The following HTT variants were observed in gnomAD, a reference collection of about 807,000 sequenced individuals.
HTT encodes huntington disease protein.
HTT carries 104 observed loss-of-function variants against 362.3 expected under a neutral mutation model. The observed-to-expected ratio is 0.29, with a 90% CI of 0.24 to 0.34. The LOEUF (loss-of-function observed/expected upper bound fraction) is 0.34, where lower values mean the gene tolerates loss of function less well. Ranked by LOEUF, HTT falls within the 10% of genes least tolerant of loss-of-function variation. HTT has a pLI of 1.00. For missense variants in HTT, 3,301 were observed against 3,928.6 expected (o/e 0.84, Z 4.27); for synonymous variants, 1,577 against 1,548.7 (o/e 1.02, Z -0.43).
intron 40 of HTT, among the ~76,000 whole-genome samples, chr4:3,195,474 C>G (rs1206777689): frequency 6.6e-6 from 1 of 152,100 alleles, no homozygotes; most frequent in Non-Finnish European, 1.5e-5. Flanking sequence ...CCTTTCTCTT[C>G]CCCTGAGTCC....
chr4:3,233,375 G>A (rs1401373621), intron 61 of HTT, 22 bp downstream of exon 61: 3 of 1,580,982 alleles, frequency 1.9e-6, no homozygotes, highest in Non-Finnish European at 2.6e-6. Context: ...CCTGGCTGGG[G>A]CTGGGGCGGG....
intron 26 of HTT, among the ~76,000 whole-genome samples, chr4:3,150,436 G>A (rs1404590915): frequency 2.0e-5 from 3 of 152,184 alleles, no homozygotes; most frequent in Non-Finnish European, 4.4e-5. Context: ...ACCTGTCTCT[G>A]GAGCTGCAGT....
chr4:3,236,991 A>G (rs1285499472), intron 64 of HTT, among the ~76,000 whole-genome samples: 1 of 152,194 alleles, frequency 6.6e-6, no homozygotes, highest in African/African-American at 2.4e-5. Flanking sequence ...GAGCATACTC[A>G]GGTGGACCTT....
rs1721739087 is a variant in HTT, at chr4:3,240,094, G to A, written c.*35G>A. ...TGGGAGAGACTGTGAGGCGGCAGCT[G>A]GGGCCGGAGCCTTTGGAAGTCTGCG... On this transcript the variant is annotated 3_prime_UTR_variant, in exon 67 of 67. Coordinates refer to ENST00000355072, the MANE Select transcript of HTT (RefSeq NM_001388492.1). The A allele has an allele frequency of 6.5e-7, 1 of 1,527,918 alleles. No individual in the cohort carries two copies. The highest frequency in any genetic ancestry group is 8.9e-7 in the Non-Finnish European group (1 of 1,124,298). The allele number at this position is 1,527,918 out of a possible 1,614,324, so 94.6% of individuals were successfully genotyped here.
chr4:3,133,546 A>C (rs912771113), intron 18 of HTT, among the ~76,000 whole-genome samples: 1 of 148,948 alleles, frequency 6.7e-6, no homozygotes, highest in South Asian at 2.1e-4. Context: ...AAAAAAAACC[A>C]CTGTGCTAGG....
chr4:3,228,973 G>T lies in HTT; in HGVS notation c.8073G>T (p.Arg2691Ser). The T allele has an allele frequency of 6.2e-7, 1 of 1,613,704 alleles. No individual in the cohort carries two copies. The highest frequency in any genetic ancestry group is 8.5e-7 in the Non-Finnish European group (1 of 1,179,796). Residue 2691 changes from arginine (R) to serine (S), a missense_variant, in exon 59 of 67, where the codon AGG becomes AGT. By Grantham distance (110) the Arg-to-Ser change is moderately radical. Around this residue, in one of 4 missense-constraint regions of HTT, gnomAD observed 753 missense variants for 1,021.3 expected, o/e 0.74. Transcript: ENST00000355072. The surrounding 1 kb of genome is among the most constrained non-coding windows in gnomAD (Gnocchi z 4.3). ...TCCTGCCGTCCAGCTCAGCCAGGAG[G>T]ACCCCGGCCATCCTGATCAGTGAGG... ...RWILPSSSARRTPAILISEVV... is the reference protein window; with the variant it reads ...RWILPSSSARSTPAILISEVV...
At chr4:3,212,266 G>T in intron 48 of HTT, 124 bp downstream of exon 48, 2 of 802,810 alleles carry the variant, frequency 2.5e-6, no homozygotes, top group Non-Finnish European at 3.9e-6. Flanking sequence ...TACAGAGGTA[G>T]CTAAAGAGCA....
chr4:3,074,917 AGCAGCAGCAGCAG>A lies in HTT; in HGVS notation c.93_105del (p.Gln31HisfsTer66), dbSNP rs1560534958. 21 of 1,493,690 alleles carry A rather than the reference AGCAGCAGCAGCAG, an allele frequency of 1.4e-5. No individual in the cohort carries two copies. Among genetic ancestry groups the A allele is most frequent in the African/African-American group, 4.4e-5 (3 of 67,420 alleles). The allele number at this position is 1,493,690 out of a possible 1,614,324, so 92.5% of individuals were successfully genotyped here. A position where few individuals can be genotyped will look rare whatever the true frequency, so the allele number is the denominator to read the frequency against. On this transcript the variant is annotated frameshift_variant, in exon 1 of 67. Coordinates refer to ENST00000355072, the MANE Select transcript of HTT (RefSeq NM_001388492.1). LOFTEE classifies it high-confidence loss of function. ...CAGCAGCAGCAGCAGCAGCAGCAGCAGCAGCAGCAGCAGCAGCAACAGCCGCCACCGCCGCCGC... is the reference window on the plus strand; with the variant it reads ...CAGCAGCAGCAGCAGCAGCAGCAGCACAGCAACAGCCGCCACCGCCGCCGC...
chr4:3,166,719 C>T (rs1170652153), intron 29 of HTT, among the ~76,000 whole-genome samples: 1 of 152,260 alleles, frequency 6.6e-6, no homozygotes, highest in African/African-American at 2.4e-5. Flanking sequence ...GTGAGCAAGG[C>T]CCCATGGGCG....
At chr4:3,232,675 C>T (rs996650021) in intron 60 of HTT, among the ~76,000 whole-genome samples, 2 of 152,242 alleles carry the variant, frequency 1.3e-5, no homozygotes, top group African/African-American at 4.8e-5. Flanking sequence ...GGCAGAGGCC[C>T]ATGGGGCGAT....
In HTT at chr4:3,228,529, T is replaced by A; in HGVS notation, c.7849-86T>A. 1 of 1,427,394 alleles carries A rather than the reference T, an allele frequency of 7.0e-7. No individual in the cohort carries two copies. Among genetic ancestry groups the A allele is most frequent in the Non-Finnish European group, 9.4e-7 (1 of 1,060,578 alleles). 88.4% of individuals were successfully genotyped at this position (1,427,394 alleles called of 1,614,324 possible). A position where few individuals can be genotyped will look rare whatever the true frequency, so the allele number is the denominator to read the frequency against. On this transcript the variant is annotated intron_variant, in intron 57 of 66. Coordinates refer to ENST00000355072, the MANE Select transcript of HTT (RefSeq NM_001388492.1). This position sits in a 1 kb window ranked among gnomAD's most constrained non-coding sequence, Gnocchi z 4.3. ...GGGGCAGACTGTTAGACGGTAGGCATGTGCTGAGTCCCAGTGGCCACACCC... is the reference window on the plus strand; with the variant it reads ...GGGGCAGACTGTTAGACGGTAGGCAAGTGCTGAGTCCCAGTGGCCACACCC...
chr4:3,210,625 T>G (rs1218900171), intron 47 of HTT, among the ~76,000 whole-genome samples: 1 of 152,094 alleles, frequency 6.6e-6, no homozygotes, highest in Admixed American at 6.5e-5. Flanking sequence ...GGCCACCTCT[T>G]GGGTATGGTG....
chr4:3,131,921 C>T, intron 16 of HTT, 146 bp downstream of exon 16: 1 of 731,496 alleles, frequency 1.4e-6, no homozygotes, highest in South Asian at 1.9e-5. Flanking sequence ...TCAGAAAACA[C>T]ATGAATAGTG....
At chr4:3,239,803 A>T in intron 66 of HTT, 43 bp from the exon 67 acceptor site, 8 of 1,360,688 alleles carry the variant, frequency 5.9e-6, no homozygotes, top group Non-Finnish European at 7.2e-6. Flanking sequence ...GGGAGGCAGC[A>T]TTCCCCTCAT....
chr4:3,239,585 C>T (rs543273091), intron 66 of HTT, among the ~76,000 whole-genome samples: 5 of 152,340 alleles, frequency 3.3e-5, no homozygotes, highest in Non-Finnish European at 7.3e-5. Context: ...CGGCCACCAG[C>T]GCTGCACAGG....
chr4:3,079,261 T>C (rs1363620171), intron 1 of HTT, among the ~76,000 whole-genome samples: 1 of 150,588 alleles, frequency 6.6e-6, no homozygotes, highest in African/African-American at 2.5e-5. Flanking sequence ...TTTTTTTTTT[T>C]TTTTTGGGGT....
chr4:3,087,486 G>A (rs1713269226), intron 2 of HTT, among the ~76,000 whole-genome samples: 1 of 152,210 alleles, frequency 6.6e-6, no homozygotes, highest in African/African-American at 2.4e-5. Context: ...GGATCGTGGG[G>A]CATTGACTGT....
rs2110273506 is a variant in HTT at position 3,210,008 on chromosome 4, G to T, written c.6414+59G>T. ...AGCTTTTCTTGTGACTTCCAAGTGG[G>T]ATTTGTCTCATCATCATGTGACCCA... On this transcript the variant is annotated intron_variant, in intron 47 of 66. Coordinates refer to ENST00000355072, the MANE Select transcript of HTT (RefSeq NM_001388492.1). 1.9e-6 allele frequency: 3 copies of T among 1,593,016 alleles called. No individual in the cohort carries two copies. The Admixed American group carries it at 5.1e-5, about 27-fold the overall frequency.
At chr4:3,136,621 T>C (rs1383220512) in intron 21 of HTT, among the ~76,000 whole-genome samples, 1 of 152,078 alleles carries the variant, frequency 6.6e-6, no homozygotes, top group South Asian at 2.1e-4. Context: ...CCTTCAATTC[T>C]GCTGCCACCT....
Sources: gnomAD v4.1 joint callset for allele counts (sites outside exome capture counted in the v4.1 genomes callset) on GRCh38, gnomAD v4.1.1 for gene constraint, gnomAD v4.1.1 regional missense constraint, Gnocchi (gnomAD v3.1) non-coding constraint, MANE v1.5 for transcripts, NCBI Gene and HGNC (gene_info 2026-07-23, HGNC 2026-07-21) for gene names.